KCNJ2: variants seen among roughly 807,000 people sequenced by gnomAD.
The protein encoded by KCNJ2 is inward rectifier potassium channel 2.
In KCNJ2, 12 loss-of-function variants were observed where a neutral mutation model predicts 28.4. That is an observed-to-expected ratio of 0.42 (90% CI 0.27 to 0.68). KCNJ2 has a LOEUF of 0.68. Ranked by LOEUF, KCNJ2 falls within the 30% of genes least tolerant of loss-of-function variation. The probability of loss-of-function intolerance (pLI) is 0.23; values close to 1 mark genes in which losing one functional copy is unlikely to be tolerated. For synonymous variants in KCNJ2, 200 were observed against 203.2 expected (o/e 0.98, Z 0.13); for missense variants, 320 against 551.3 (o/e 0.58, Z 4.20).
chr17:70,174,868 A>C lies in KCNJ2; in HGVS notation c.-172A>C. On this transcript the variant is annotated 5_prime_UTR_variant, in exon 2 of 2. An upstream start codon of the reference 5' UTR is lost. Coordinates refer to ENST00000243457, the MANE Select transcript of KCNJ2 (RefSeq NM_000891.3). ...AGCTGAGTCATTAAAGTAACTCTGC[A>C]TGTCAGTAGACAGACCTTGGTAGAA... 4.4e-6 allele frequency: 3 copies of C among 685,092 alleles called. No homozygotes were observed. In the Admixed American group the frequency reaches 6.3e-5, roughly 14 times the overall value. The allele number at this position is 685,092 out of a possible 1,614,324, so 42.4% of individuals were successfully genotyped here. A position where few individuals can be genotyped will look rare whatever the true frequency, so the allele number is the denominator to read the frequency against.
Position 70,177,266 on chromosome 17 carries a change from GGAA to G in KCNJ2, c.*953_*955del, listed in dbSNP as rs1422886471. The G allele has an allele frequency of 1.0e-4, 17 of 167,016 alleles. No homozygotes were observed. Among genetic ancestry groups the G allele is most frequent in the African/African-American group, 2.2e-4 (9 of 41,420 alleles). The allele number at this position is 167,016 out of a possible 1,614,324, so 10.3% of individuals were successfully genotyped here. On this transcript the variant is annotated 3_prime_UTR_variant, in exon 2 of 2. Transcript: ENST00000243457. ...TTCATGTAACTTTTTTATTTTAAGAGGAAGAAGAAGAAAGGGGCACACACACAC... is the reference window on the plus strand; with the variant it reads ...TTCATGTAACTTTTTTATTTTAAGAGGAAGAAGAAAGGGGCACACACACAC...
chr17:70,176,125 A>G lies in KCNJ2; in HGVS notation c.1086A>G (p.Ala362=). 1 of 1,614,084 alleles carries G rather than the reference A, an allele frequency of 6.2e-7. No homozygotes were observed. The highest frequency in any genetic ancestry group is 1.1e-5 in the South Asian group (1 of 91,088). ...NTPLCSARDL[A]EKKYILSNAN... is the part of the protein sequence containing the mutation. Reference sequence around the variant, plus strand: ...CCCTTTGTAGTGCCAGAGACTTAGCAGAAAAGAAATATATCCTCTCAAATG... The same window carrying G: ...CCCTTTGTAGTGCCAGAGACTTAGCGGAAAAGAAATATATCCTCTCAAATG... Residue 362 remains alanine, a synonymous_variant, in exon 2 of 2, where the codon GCA becomes GCG. Transcript: ENST00000243457.
At position 70,176,596 on chromosome 17, in the gene KCNJ2, C is replaced by T. The variant is rs2074395014; in HGVS notation, c.*273C>T. 2.0e-6 allele frequency: 1 copy of T among 507,762 alleles called. No individual in the cohort carries two copies. Among genetic ancestry groups the T allele is most frequent in the South Asian group, 2.1e-5 (1 of 46,548 alleles). The allele number at this position is 507,762 out of a possible 1,614,324, so 31.5% of individuals were successfully genotyped here. ...GTTTTGTGTTTTTCCAAAACTTGAA[C>T]TTGCAGGCAAGCCTTGGTTGGGTAT... On this transcript the variant is annotated 3_prime_UTR_variant, in exon 2 of 2. Coordinates refer to ENST00000243457, the MANE Select transcript of KCNJ2 (RefSeq NM_000891.3).
chr17:70,179,453 T>C lies in KCNJ2; in HGVS notation c.*3130T>C, dbSNP rs1452468868. The C allele has an allele frequency of 6.0e-6, 1 of 166,944 alleles. No homozygotes were observed. Among genetic ancestry groups the C allele is most frequent in the East Asian group, 1.9e-4 (1 of 5,196 alleles). The allele number at this position is 166,944 out of a possible 1,614,324, so 10.3% of individuals were successfully genotyped here. ...GATTATTGAGAAAGGAGTAGTTTTC[T>C]ATCCCTCTAAGAGTATACTTGAATC... On this transcript the variant is annotated 3_prime_UTR_variant, in exon 2 of 2. Coordinates refer to ENST00000243457, the MANE Select transcript of KCNJ2 (RefSeq NM_000891.3).
Position 70,172,103 on chromosome 17 carries a change from C to T in KCNJ2, c.-217+2402C>T, listed in dbSNP as rs60890982. ...GAAGTTTTCTGCTTGCTTAAAGTCGCTCAGGCATGTGGGCAGGTTAACAGT... is the reference window on the plus strand; with the variant it reads ...GAAGTTTTCTGCTTGCTTAAAGTCGTTCAGGCATGTGGGCAGGTTAACAGT... On this transcript the variant is annotated intron_variant, in intron 1 of 1. Coordinates refer to ENST00000243457, the MANE Select transcript of KCNJ2 (RefSeq NM_000891.3). Among the ~76,000 whole-genome samples the T allele has an allele frequency of 2.0e-5, 3 of 151,828 alleles. No individual in the cohort carries two copies. The South Asian group carries it at 6.2e-4, about 32-fold the overall frequency.
Position 70,178,039 on chromosome 17 carries a change from T to A in KCNJ2, c.*1716T>A, listed in dbSNP as rs2074405783. On this transcript the variant is annotated 3_prime_UTR_variant, in exon 2 of 2. Coordinates refer to ENST00000243457, the MANE Select transcript of KCNJ2 (RefSeq NM_000891.3). ...CAATAATGGAACTCTTTTTTTTTTTTTTTTTAATTTAAAGTTCCCTATTTG... is the reference window on the plus strand; with the variant it reads ...CAATAATGGAACTCTTTTTTTTTTTATTTTTAATTTAAAGTTCCCTATTTG... 1 of 160,240 alleles carries A rather than the reference T, an allele frequency of 6.2e-6. No individual in the cohort carries two copies. Among genetic ancestry groups the A allele is most frequent in the African/African-American group, 2.4e-5 (1 of 41,348 alleles). 9.9% of individuals were successfully genotyped at this position (160,240 alleles called of 1,614,324 possible).
rs2074396768 is a variant in KCNJ2 at position 70,176,950 on chromosome 17, T to C, written c.*627T>C. On this transcript the variant is annotated 3_prime_UTR_variant, in exon 2 of 2. Coordinates refer to ENST00000243457, the MANE Select transcript of KCNJ2 (RefSeq NM_000891.3). ...AGGGCATTATGTAACACTAGCCGAA[T>C]GGTAGCCTCTGGGTTGTTGTTTTTT... 1 of 168,034 alleles carries C rather than the reference T, an allele frequency of 6.0e-6. No homozygotes were observed. Among genetic ancestry groups the C allele is most frequent in the Non-Finnish European group, 1.4e-5 (1 of 69,500 alleles). 10.4% of individuals were successfully genotyped at this position (168,034 alleles called of 1,614,324 possible).
chr17:70,174,209 C>G (rs989969011), intron 1 of KCNJ2, among the ~76,000 whole-genome samples: 1 of 152,172 alleles, frequency 6.6e-6, no homozygotes, highest in Admixed American at 6.5e-5. Context: ...ATCCACTTCA[C>G]TATTCTATTT....
In KCNJ2 at chr17:70,174,996, G is replaced by C. The variant is rs746315186; in HGVS notation, c.-44G>C. 7 of 1,603,570 alleles carry C rather than the reference G, an allele frequency of 4.4e-6. No individual in the cohort carries two copies. In the Admixed American group the frequency reaches 1.2e-4, roughly 27 times the overall value. On this transcript the variant is annotated 5_prime_UTR_variant, in exon 2 of 2. Coordinates refer to ENST00000243457, the MANE Select transcript of KCNJ2 (RefSeq NM_000891.3). ...CTCCAAAGCGTTTTGCAAAAACTCA[G>C]ACTGTTTTCCAAAGCAGAAGCACTG... is the stretch of plus-strand genomic sequence containing the variant.
At position 70,175,136 on chromosome 17, in the gene KCNJ2, G is replaced by C. The variant is rs375727662; in HGVS notation, c.97G>C (p.Gly33Arg). Residue 33 changes from glycine to arginine, a missense_variant, in exon 2 of 2, where the codon GGG (glycine) becomes CGG (arginine). Coordinates refer to ENST00000243457, the MANE Select transcript of KCNJ2 (RefSeq NM_000891.3). The surrounding 1 kb of genome is among the most constrained non-coding windows in gnomAD (Gnocchi z 8.3). ...TMAVANGFGN[G>R]KSKVHTRQQC... is the part of the protein sequence containing the mutation. The stretch of plus-strand genomic sequence containing the variant: ...GGCAGTTGCAAATGGCTTTGGGAAC[G>C]GGAAGAGTAAAGTCCACACCCGACA... The C allele has an allele frequency of 1.2e-6, 2 of 1,614,168 alleles. No individual in the cohort carries two copies. Among genetic ancestry groups the C allele is most frequent in the Non-Finnish European group, 1.7e-6 (2 of 1,180,028 alleles).
chr17:70,175,502 C>T lies in KCNJ2; in HGVS notation c.463C>T (p.Pro155Ser), dbSNP rs2074387331. Residue 155 changes from proline to serine, a missense_variant, in exon 2 of 2, where the codon CCA becomes TCA. Around this residue, in one of 3 missense-constraint regions of KCNJ2, gnomAD observed 111 missense variants for 256.7 expected, o/e 0.43. Transcript: ENST00000243457. The surrounding 1 kb of genome is among the most constrained non-coding windows in gnomAD (Gnocchi z 8.3). ...TTTCAGATGTGTCACGGATGAATGCCCAATTGCTGTTTTCATGGTGGTGTT... is the reference window on the plus strand; with the variant it reads ...TTTCAGATGTGTCACGGATGAATGCTCAATTGCTGTTTTCATGGTGGTGTT... Reference protein sequence around the residue: ...YGFRCVTDECPIAVFMVVFQS... With the variant: ...YGFRCVTDECSIAVFMVVFQS... 1.2e-6 allele frequency: 2 copies of T among 1,614,006 alleles called. No homozygotes were observed. The highest frequency in any genetic ancestry group is 1.3e-5 in the African/African-American group (1 of 74,898).
intron 1 of KCNJ2, among the ~76,000 whole-genome samples, chr17:70,173,623 G>C (rs998471008): frequency 6.6e-5 from 10 of 152,184 alleles, no homozygotes; most frequent in African/African-American, 2.4e-4. Flanking sequence ...GGAAGACTGA[G>C]GCAATAGGAG....
At position 70,179,670 on chromosome 17, in the gene KCNJ2, A is replaced by C. The variant is rs1442654309; in HGVS notation, c.*3347A>C. 6.0e-6 allele frequency: 1 copy of C among 166,428 alleles called. No homozygotes were observed. The highest frequency in any genetic ancestry group is 1.5e-5 in the Non-Finnish European group (1 of 68,112). 10.3% of individuals were successfully genotyped at this position (166,428 alleles called of 1,614,324 possible). A position where few individuals can be genotyped will look rare whatever the true frequency, so the allele number is the denominator to read the frequency against. On this transcript the variant is annotated 3_prime_UTR_variant, in exon 2 of 2. Coordinates refer to ENST00000243457, the MANE Select transcript of KCNJ2 (RefSeq NM_000891.3). ...AAATCATATTTCCCTTACAATTAAT[A>C]AATGTCACTTCATATTTTATAATAA...
At chr17:70,172,919 C>T (rs894829139) in intron 1 of KCNJ2, among the ~76,000 whole-genome samples, 2 of 152,112 alleles carry the variant, frequency 1.3e-5, no homozygotes, top group Admixed American at 6.5e-5. Flanking sequence ...TCTAGAACTT[C>T]GAGGGGCAGG....
chr17:70,176,129 A>G lies in KCNJ2; in HGVS notation c.1090A>G (p.Lys364Glu). The change falls in exon 2 of 2, where the codon AAG (lysine) becomes GAG (glutamate). Residue 364 changes from lysine to glutamate, a missense_variant. Physicochemically the swap from Lys to Glu is moderately conservative, Grantham distance 56. Coordinates refer to ENST00000243457, the MANE Select transcript of KCNJ2 (RefSeq NM_000891.3). ...PLCSARDLAE[K>E]KYILSNANSF... is the part of the protein sequence containing the mutation. ...TTGTAGTGCCAGAGACTTAGCAGAA[A>G]AGAAATATATCCTCTCAAATGCAAA... is the stretch of plus-strand genomic sequence containing the variant. 1 of 1,614,072 alleles carries G rather than the reference A, an allele frequency of 6.2e-7. No homozygotes were observed. Among genetic ancestry groups the G allele is most frequent in the South Asian group, 1.1e-5 (1 of 91,088 alleles).
chr17:70,172,846 G>A (rs1021113765), intron 1 of KCNJ2, among the ~76,000 whole-genome samples: 3 of 152,190 alleles, frequency 2.0e-5, no homozygotes, highest in Non-Finnish European at 4.4e-5. Flanking sequence ...GTCTCTGTCT[G>A]TTTAGTAATG....
In KCNJ2 at chr17:70,179,505, A is replaced by G. The variant is rs1004000664; in HGVS notation, c.*3182A>G. On this transcript the variant is annotated 3_prime_UTR_variant, in exon 2 of 2. Coordinates refer to ENST00000243457, the MANE Select transcript of KCNJ2 (RefSeq NM_000891.3). The stretch of plus-strand genomic sequence containing the variant: ...GACATTTTAAGGATGTCACTATGGC[A>G]CTGTTGTCATTTCCAAATTCCTAGA... The G allele has an allele frequency of 6.0e-6, 1 of 166,482 alleles. No individual in the cohort carries two copies. The highest frequency in any genetic ancestry group is 2.4e-5 in the African/African-American group (1 of 41,432). 10.3% of individuals were successfully genotyped at this position (166,482 alleles called of 1,614,324 possible).
At position 70,176,521 on chromosome 17, in the gene KCNJ2, A is replaced by T; in HGVS notation, c.*198A>T. 1 of 635,570 alleles carries T rather than the reference A, an allele frequency of 1.6e-6. No individual in the cohort carries two copies. The highest frequency in any genetic ancestry group is 2.9e-6 in the Non-Finnish European group (1 of 347,630). 39.4% of individuals were successfully genotyped at this position (635,570 alleles called of 1,614,324 possible). On this transcript the variant is annotated 3_prime_UTR_variant, in exon 2 of 2. Transcript: ENST00000243457. ...AAAGCACTAACCATGTCTCCATGTG[A>T]CCCGATGGCACATAGATGTTGTAGA...
In KCNJ2 at chr17:70,175,112, G is replaced by C. The variant is rs1316063007; in HGVS notation, c.73G>C (p.Ala25Pro). The C allele has an allele frequency of 6.2e-7, 1 of 1,614,060 alleles. No individual in the cohort carries two copies. The highest frequency in any genetic ancestry group is 1.3e-5 in the African/African-American group (1 of 74,908). Reference protein sequence around the residue: ...EEDGMKLATMAVANGFGNGKS... With the variant: ...EEDGMKLATMPVANGFGNGKS... ...AGACGGTATGAAGTTGGCCACCATGGCAGTTGCAAATGGCTTTGGGAACGG... is the reference window on the plus strand; with the variant it reads ...AGACGGTATGAAGTTGGCCACCATGCCAGTTGCAAATGGCTTTGGGAACGG... Residue 25 changes from alanine to proline, a missense_variant, in exon 2 of 2, where the codon GCA becomes CCA. Transcript: ENST00000243457. This position sits in a 1 kb window ranked among gnomAD's most constrained non-coding sequence, Gnocchi z 8.3.
Sources: allele counts gnomAD v4.1 joint callset (sites outside exome capture counted in the v4.1 genomes callset), GRCh38; gene constraint gnomAD v4.1.1; regional missense constraint gnomAD v4.1.1; non-coding constraint Gnocchi (gnomAD v3.1); transcripts MANE v1.5; gene names NCBI Gene and HGNC (gene_info 2026-07-23, HGNC 2026-07-21).